Variants in WIPF3 observed in about 807,000 individuals in gnomAD.
WIPF3 encodes the protein WAS/WASL-interacting protein family member 3.
In WIPF3, 33 loss-of-function variants were observed where a neutral mutation model predicts 38.9. The observed-to-expected ratio is 0.85, with a 90% CI of 0.64 to 1.14. The LOEUF is 1.14. Among genes scored for constraint, WIPF3 ranks in the 50% most tolerant of loss-of-function variants. The pLI, the probability that WIPF3 is intolerant of heterozygous loss-of-function variation, is 0.00. For missense variants in WIPF3, 711 were observed against 652.5 expected, an observed-to-expected ratio of 1.09 and a Z score of -0.98; for synonymous variants, 324 against 269.3, an observed-to-expected ratio of 1.20 and a Z score of -1.99.
At chr7:29,871,189 C>T (rs993809677) in intron 2 of WIPF3, among the ~76,000 whole-genome samples, 1 of 152,182 alleles carries the variant, frequency 6.6e-6, no homozygotes, top group African/African-American at 2.4e-5. Flanking sequence ...TCATGTCTCT[C>T]TTTTGGATTC....
intron 3 of WIPF3, among the ~76,000 whole-genome samples, chr7:29,877,020 A>G (rs778902257): frequency 5.9e-5 from 9 of 152,180 alleles, no homozygotes; most frequent in Non-Finnish European, 7.3e-5. Flanking sequence ...CCTAATCCAA[A>G]AATCCCAAAT....
intron 7 of WIPF3, among the ~76,000 whole-genome samples, chr7:29,898,263 C>T (rs943472860): frequency 1.6e-4 from 24 of 152,330 alleles, no homozygotes; most frequent in African/African-American, 5.3e-4. Flanking sequence ...TTACACCACA[C>T]ACTTCAGAGT....
intron 8 of WIPF3, among the ~76,000 whole-genome samples, chr7:29,910,708 A>G (rs1171673241): frequency 1.3e-5 from 2 of 152,216 alleles, no homozygotes; most frequent in Non-Finnish European, 2.9e-5. Context: ...ATTTGACAAA[A>G]TTGAACACCT....
At position 29,916,196 on chromosome 7, in the gene WIPF3, TTTTATTGG is replaced by T. The variant is rs1786611735; in HGVS notation, c.*1683_*1690del. ...ATCAGCTCTGGGCATAACTAATTTG[TTTTATTGG>T]TTCTGGAAGATTTCCAAAAAGCCAG... is the stretch of plus-strand genomic sequence containing the variant. On this transcript the variant is annotated 3_prime_UTR_variant, in exon 9 of 9. Coordinates refer to ENST00000242140, the MANE Select transcript of WIPF3 (RefSeq NM_001080529.3). The T allele has an allele frequency of 6.6e-6, 1 of 152,214 alleles. No individual in the cohort carries two copies. The highest frequency in any genetic ancestry group is 2.4e-5 in the African/African-American group (1 of 41,452). The allele number at this position is 152,214 out of a possible 1,614,324, so 9.4% of individuals were successfully genotyped here. A position where few individuals can be genotyped will look rare whatever the true frequency, so the allele number is the denominator to read the frequency against.
At chr7:29,899,932 T>G (rs1786239994) in intron 7 of WIPF3, among the ~76,000 whole-genome samples, 1 of 152,188 alleles carries the variant, frequency 6.6e-6, no homozygotes, top group African/African-American at 2.4e-5. Context: ...TTTATTCATT[T>G]ATTTAGAGAT....
intron 7 of WIPF3, 82 bp from the exon 8 acceptor site, chr7:29,904,204 G>T: frequency 7.2e-7 from 1 of 1,385,146 alleles, no homozygotes; most frequent in Non-Finnish European, 1.0e-6. Flanking sequence ...TTTAAGTGCT[G>T]ATTTAGAGAA....
chr7:29,820,361 T>C (rs1784517286), intron 1 of WIPF3, among the ~76,000 whole-genome samples: 1 of 152,164 alleles, frequency 6.6e-6, no homozygotes, highest in Admixed American at 6.5e-5. Context: ...TTTGAGGGCT[T>C]TTTCTTTTAA....
chr7:29,909,208 A>G (rs1031202116), intron 8 of WIPF3, among the ~76,000 whole-genome samples: 1 of 152,134 alleles, frequency 6.6e-6, no homozygotes, highest in African/African-American at 2.4e-5. Flanking sequence ...AAGTTATCAA[A>G]TCAGCAACCT....
intron 2 of WIPF3, among the ~76,000 whole-genome samples, chr7:29,848,462 A>G (rs1785038255): frequency 6.6e-6 from 1 of 152,140 alleles, no homozygotes; most frequent in African/African-American, 2.4e-5. Context: ...GGATCACCTG[A>G]GCCCAAGCCC....
chr7:29,860,116 G>T (rs1459044472), intron 2 of WIPF3, among the ~76,000 whole-genome samples: 1 of 152,182 alleles, frequency 6.6e-6, no homozygotes, highest in East Asian at 1.9e-4. Context: ...GTCTGTGGAT[G>T]TCTGATCTGC....
At chr7:29,832,014 C>T (rs1361078209) in intron 1 of WIPF3, among the ~76,000 whole-genome samples, 1 of 152,154 alleles carries the variant, frequency 6.6e-6, no homozygotes, top group Non-Finnish European at 1.5e-5. Context: ...TGACAAAACC[C>T]TTAGGTAAGT....
In WIPF3 at chr7:29,837,566, C is replaced by T. The variant is rs1784826003; in HGVS notation, c.90+2752C>T. 2.0e-5 allele frequency among the ~76,000 whole-genome samples: 3 copies of T among 152,160 alleles called. No homozygotes were observed. In the South Asian group the frequency reaches 6.2e-4, roughly 32 times the overall value. The stretch of plus-strand genomic sequence containing the variant: ...TTGGTTAAATTTTTTGAATTCTCTC[C>T]TTCATTTCTCTCTCTCTTTCTCTTT... On this transcript the variant is annotated intron_variant, in intron 2 of 8. Transcript: ENST00000242140.
At chr7:29,881,034 C>T (rs1004870643) in intron 4 of WIPF3, among the ~76,000 whole-genome samples, 1 of 152,118 alleles carries the variant, frequency 6.6e-6, no homozygotes, top group African/African-American at 2.4e-5. Flanking sequence ...GCGCTTGCAC[C>T]GACTCTCCCT....
intron 5 of WIPF3, among the ~76,000 whole-genome samples, chr7:29,887,859 A>G (rs1302917257): frequency 6.6e-6 from 1 of 152,222 alleles, no homozygotes; most frequent in Non-Finnish European, 1.5e-5. Context: ...CATCTTACAG[A>G]TGAGGAAACT....
At position 29,834,811 on chromosome 7, in the gene WIPF3, C is replaced by A. The variant is rs1206496646; in HGVS notation, c.87C>A (p.Pro29=). 1 of 1,541,242 alleles carries A rather than the reference C, an allele frequency of 6.5e-7. No individual in the cohort carries two copies. The highest frequency in any genetic ancestry group is 1.4e-5 in the African/African-American group (1 of 72,228). Residue 29 remains proline (P), a synonymous_variant, in exon 2 of 9, where the codon CCC becomes CCA. Coordinates refer to ENST00000242140, the MANE Select transcript of WIPF3 (RefSeq NM_001080529.3). ...GAPPPPPPSA[P]PVSTDTSSLR... The stretch of plus-strand genomic sequence containing the variant: ...CTCCCCCTCCCCCACCATCAGCACC[C>A]CCGGTAAGACCTTTTTTTCTGATTG...
At chr7:29,884,687 G>A in intron 5 of WIPF3, 94 bp downstream of exon 5, 5 of 1,453,928 alleles carry the variant, frequency 3.4e-6, no homozygotes, top group African/African-American at 1.4e-5. Flanking sequence ...TCGTTTCAGA[G>A]ATGGACACCA....
chr7:29,851,130 T>C (rs965044113), intron 2 of WIPF3, among the ~76,000 whole-genome samples: 1 of 152,136 alleles, frequency 6.6e-6, no homozygotes, highest in African/African-American at 2.4e-5. Context: ...CTGTGTCGTA[T>C]TATGCTCTTG....
At chr7:29,851,027 G>A (rs1583602807) in intron 2 of WIPF3, among the ~76,000 whole-genome samples, 1 of 152,278 alleles carries the variant, frequency 6.6e-6, no homozygotes, top group East Asian at 1.9e-4. Flanking sequence ...TATATCAGTG[G>A]CAGTCCCCTC....
At chr7:29,842,007 G>A (rs2128066884) in intron 2 of WIPF3, among the ~76,000 whole-genome samples, 1 of 152,232 alleles carries the variant, frequency 6.6e-6, no homozygotes, top group South Asian at 2.1e-4. Flanking sequence ...TGACCCCTTG[G>A]TAGATTCCAA....
Sources: allele counts gnomAD v4.1 joint callset (sites outside exome capture counted in the v4.1 genomes callset), GRCh38; gene constraint gnomAD v4.1.1; transcripts MANE v1.5; gene names NCBI Gene and HGNC (gene_info 2026-07-23, HGNC 2026-07-21).